The following MYLK3 variants were observed in gnomAD, a reference collection of about 807,000 sequenced individuals.
MYLK3 encodes the protein myosin light chain kinase 3, also known as MLC kinase.
A neutral mutation model predicts 76.3 loss-of-function variants in MYLK3; 55 were observed. That is an observed-to-expected ratio of 0.72 (90% CI 0.58 to 0.90). The LOEUF (loss-of-function observed/expected upper bound fraction) is 0.90, where lower values mean the gene tolerates loss of function less well. MYLK3 is among the 40% of genes least tolerant of loss of function. The pLI is 0.00. For synonymous variants in MYLK3, 416 were observed against 425.4 expected (o/e 0.98, Z 0.27); for missense variants, 973 against 1,053.6 (o/e 0.92, Z 1.06).
At chr16:46,751,902 C>A (rs1967130517), upstream of MYLK3, among the ~76,000 whole-genome samples, 1 of 152,190 alleles carries the variant, frequency 6.6e-6, no homozygotes, top group South Asian at 2.1e-4. Flanking sequence ...CTAACTCTCC[C>A]TGATGCACAG....
intron 9 of MYLK3, among the ~76,000 whole-genome samples, chr16:46,716,379 GTATA>G (rs111606823): frequency 6.7e-6 from 1 of 149,266 alleles, no homozygotes; most frequent in African/African-American, 2.5e-5. Flanking sequence ...ATATGTATAT[GTATA>G]TATATATAGC....
At chr16:46,725,385 C>T (rs1307321656) in intron 8 of MYLK3, among the ~76,000 whole-genome samples, 6 of 152,188 alleles carry the variant, frequency 3.9e-5, no homozygotes, top group Admixed American at 3.9e-4. Flanking sequence ...ATTCAGTCTC[C>T]TACTACAAAC....
At chr16:46,744,316 G>T (rs571448245) in intron 1 of MYLK3, among the ~76,000 whole-genome samples, 3 of 124,286 alleles carry the variant, frequency 2.4e-5, no homozygotes, top group Non-Finnish European at 4.9e-5. Flanking sequence ...ACAGGCGTGA[G>T]CCACCACACC....
chr16:46,715,710 G>T (rs1461291540), intron 9 of MYLK3, among the ~76,000 whole-genome samples: 1 of 152,156 alleles, frequency 6.6e-6, no homozygotes, highest in African/African-American at 2.4e-5. Flanking sequence ...CCTGGCCTGG[G>T]ATAAACCTGG....
rs778755858 is a variant in MYLK3, at chr16:46,747,847, C to T, written c.347G>A (p.Arg116Lys). ...GGCCCTGTCCACCGCAGCCACCATCCTGAAGAGGGCCTCCAGCCTGGCACC... is the reference window on the plus strand; with the variant it reads ...GGCCCTGTCCACCGCAGCCACCATCTTGAAGAGGGCCTCCAGCCTGGCACC... Reference protein sequence around the residue: ...QHGARLEALFRMVAAVDRAIA... With the variant: ...QHGARLEALFKMVAAVDRAIA... Residue 116 changes from arginine to lysine, a missense_variant, in exon 1 of 13, where the codon AGG becomes AAG. Arg to Lys is a conservative substitution (Grantham distance 26, BLOSUM62 2). Around this residue, in one of 2 missense-constraint regions of MYLK3, gnomAD observed 641 missense variants for 637.0 expected, o/e 1.01. Transcript: ENST00000394809. 14 of 1,614,060 alleles carry T rather than the reference C, an allele frequency of 8.7e-6. No individual in the cohort carries two copies. The highest frequency in any genetic ancestry group is 1.2e-5 in the Non-Finnish European group (14 of 1,180,042).
Position 46,747,801 on chromosome 16 carries a change from C to G in MYLK3, c.393G>C (p.Thr131=). 6.2e-7 allele frequency: 1 copy of G among 1,614,218 alleles called. No homozygotes were observed. Among genetic ancestry groups the G allele is most frequent in the Non-Finnish European group, 8.5e-7 (1 of 1,180,046 alleles). The change falls in exon 1 of 13, where the codon ACG becomes ACC. Residue 131 remains threonine, a synonymous_variant. Coordinates refer to ENST00000394809, the MANE Select transcript of MYLK3 (RefSeq NM_182493.3). ...AATCCGCCACCTTTGATTTCTGGAA[C>G]GTGGCCCCCACCAAAGCGATGGCCC... The part of the protein sequence containing the change: ...VDRAIALVGA[T]FQKSKVADFL...
At chr16:46,731,525 G>A (rs933684747) in intron 4 of MYLK3, among the ~76,000 whole-genome samples, 10 of 152,222 alleles carry the variant, frequency 6.6e-5, no homozygotes. Flanking sequence ...TGCTCGCCAT[G>A]GGAGCACTTT....
Position 46,747,901 on chromosome 16 carries a change from C to G in MYLK3, c.293G>C (p.Arg98Thr). The change falls in exon 1 of 13, where the codon AGG becomes ACG. Residue 98 changes from arginine (R) to threonine (T), a missense_variant. Transcript: ENST00000394809. ...AGWPEVLELV[R>T]AMQQDAAQHG... Reference sequence around the variant, plus strand: ...CTGGGCCGCATCCTGCTGCATGGCCCTCACCAGCTCCAGGACCTCGGGCCA... The same window carrying G: ...CTGGGCCGCATCCTGCTGCATGGCCGTCACCAGCTCCAGGACCTCGGGCCA... 1 of 1,613,902 alleles carries G rather than the reference C, an allele frequency of 6.2e-7. No individual in the cohort carries two copies. The highest frequency in any genetic ancestry group is 8.5e-7 in the Non-Finnish European group (1 of 1,179,946).
At chr16:46,730,778 G>A in intron 4 of MYLK3, 80 bp from the exon 5 acceptor site, 1 of 1,242,546 alleles carries the variant, frequency 8.0e-7, no homozygotes, top group Non-Finnish European at 1.2e-6. Flanking sequence ...GACCCACTTA[G>A]CTTCTCTTGG....
chr16:46,709,886 G>A (rs908073427), intron 11 of MYLK3, among the ~76,000 whole-genome samples: 2 of 152,138 alleles, frequency 1.3e-5, no homozygotes, highest in Admixed American at 1.3e-4. Context: ...ACCTCTATAG[G>A]GGGAACATAT....
At chr16:46,745,167 C>G (rs1967001235) in intron 1 of MYLK3, among the ~76,000 whole-genome samples, 1 of 152,206 alleles carries the variant, frequency 6.6e-6, no homozygotes. Context: ...TACCATTTGG[C>G]TTGGTATTTC....
upstream of MYLK3, among the ~76,000 whole-genome samples, chr16:46,751,539 T>C (rs1038620733): frequency 5.9e-5 from 9 of 152,240 alleles, no homozygotes; most frequent in Admixed American, 1.3e-4. Flanking sequence ...ACCAAGCCTC[T>C]TGGGCTTGGC....
intron 9 of MYLK3, among the ~76,000 whole-genome samples, chr16:46,716,284 G>A (rs928132841): frequency 2.0e-5 from 3 of 151,830 alleles, no homozygotes; most frequent in African/African-American, 7.3e-5. Context: ...AATGGATTGG[G>A]CACTGTAGTG....
At position 46,714,505 on chromosome 16, in the gene MYLK3, C is replaced by G. The variant is rs547846121; in HGVS notation, c.1986-1729G>C. Reference sequence around the variant, plus strand: ...TCGGGGGGCAAGCGCTCCTCTGGCACCTGTCCCTCCCCTGCCCAGCAGCTG... The same window carrying G: ...TCGGGGGGCAAGCGCTCCTCTGGCAGCTGTCCCTCCCCTGCCCAGCAGCTG... On this transcript the variant is annotated intron_variant, in intron 9 of 12. Coordinates refer to ENST00000394809, the MANE Select transcript of MYLK3 (RefSeq NM_182493.3). 7.2e-5 allele frequency among the ~76,000 whole-genome samples: 11 copies of G among 152,262 alleles called. No individual in the cohort carries two copies. In the East Asian group the frequency reaches 2.1e-3, roughly 29 times the overall value.
chr16:46,757,478 G>T (rs973751982), intron 1 of MYLK3: 1 of 985,304 alleles, frequency 1.0e-6, no homozygotes, highest in Non-Finnish European at 1.2e-6. Flanking sequence ...CTGGGACCGC[G>T]CAGTGCTGGA....
intron 7 of MYLK3, 49 bp from the exon 8 acceptor site, chr16:46,727,426 A>T: frequency 6.4e-7 from 1 of 1,564,128 alleles, no homozygotes; most frequent in Non-Finnish European, 8.7e-7. Context: ...AAGGCTCTTC[A>T]GGGCTTGTCC....
chr16:46,755,906 C>CTTTTTTTTTTTT (rs772833701), intron 1 of MYLK3, among the ~76,000 whole-genome samples: 165 of 109,650 alleles, frequency 1.5e-3, no homozygotes, highest in Non-Finnish European at 2.0e-3. Flanking sequence ...TTTTTTCTTT[C>CTTTTTTTTTTTT]TTTTTTTTTT....
At chr16:46,714,451 C>A (rs1966716404) in intron 9 of MYLK3, among the ~76,000 whole-genome samples, 1 of 152,152 alleles carries the variant, frequency 6.6e-6, no homozygotes, top group South Asian at 2.1e-4. Context: ...GAAAGAGCAG[C>A]AAGGTGACGG....
intron 1 of MYLK3, chr16:46,763,013 A>T: frequency 4.1e-6 from 4 of 985,410 alleles, no homozygotes; most frequent in Non-Finnish European, 4.8e-6. Context: ...ACACACACAC[A>T]GTAGGTTTAT....
Sources: allele counts gnomAD v4.1 joint callset (sites outside exome capture counted in the v4.1 genomes callset), GRCh38; gene constraint gnomAD v4.1.1; regional missense constraint gnomAD v4.1.1; transcripts MANE v1.5; gene names NCBI Gene and HGNC (gene_info 2026-07-23, HGNC 2026-07-21).